The following OTOF variants were observed in gnomAD, a reference collection of about 807,000 sequenced individuals.
OTOF encodes fer-1-like family member 2.
A neutral mutation model predicts 236.8 loss-of-function variants in OTOF; 218 were observed. The ratio of observed to expected loss-of-function variants is 0.92; its 90% CI spans 0.82 to 1.03. The LOEUF (loss-of-function observed/expected upper bound fraction) is 1.03, where lower values mean the gene tolerates loss of function less well. Ranked by LOEUF, OTOF falls within the 50% of genes least tolerant of loss-of-function variation. OTOF has a pLI of 0.00. For missense variants in OTOF, 2,590 were observed against 2,694.4 expected (o/e 0.96, Z 0.86); for synonymous variants, 1,041 against 1,072.5 (o/e 0.97, Z 0.57).
intron 2 of OTOF, among the ~76,000 whole-genome samples, chr2:26,532,872 A>C (rs929860913): frequency 6.6e-6 from 1 of 152,154 alleles, no homozygotes; most frequent in Non-Finnish European, 1.5e-5. Flanking sequence ...TTGGCCGCTG[A>C]GTGGGCCTGG....
At chr2:26,483,961 AT>A (rs377035721) in intron 12 of OTOF, among the ~76,000 whole-genome samples, 31 of 152,314 alleles carry the variant, frequency 2.0e-4, no homozygotes, top group African/African-American at 7.5e-4. Context: ...TGATCTTAGT[AT>A]TATTGTCAGT....
At position 26,477,117 on chromosome 2, in the gene OTOF, G is replaced by A. The variant is rs568447728; in HGVS notation, c.2523+55C>T. The stretch of plus-strand genomic sequence containing the variant: ...CCTGATTGAGCCCCCTGATCCTGAG[G>A]GGCCCCAGAGAGCCAGCCCTGGATG... On this transcript the variant is annotated intron_variant, in intron 21 of 46. Coordinates refer to ENST00000272371, the MANE Select transcript of OTOF (RefSeq NM_194248.3). The surrounding 1 kb of genome is among the most constrained non-coding windows in gnomAD (Gnocchi z 4.7). The A allele has an allele frequency of 2.5e-6, 4 of 1,579,720 alleles. No individual in the cohort carries two copies. The South Asian group carries it at 3.4e-5, about 13-fold the overall frequency.
Position 26,458,029 on chromosome 2 carries a change from G to C in OTOF, c.*209C>G. The C allele has an allele frequency of 6.2e-7, 1 of 1,609,692 alleles. No individual in the cohort carries two copies. The highest frequency in any genetic ancestry group is 1.3e-5 in the African/African-American group (1 of 74,952). ...CAGGGCTGGGGAGCGGCTGGCGGGA[G>C]CTGGCGGCCTTCATGCCCCAAGGAG... is the stretch of plus-strand genomic sequence containing the variant. On this transcript the variant is annotated 3_prime_UTR_variant, in exon 47 of 47. Coordinates refer to ENST00000272371, the MANE Select transcript of OTOF (RefSeq NM_194248.3).
rs530407174 is a variant in OTOF, at chr2:26,475,249, C to T, written c.3126+110G>A. ...CCAGCCAGCACCTGGCCAAGGAGCT[C>T]TGCAGGTGGGTGGCGGAGGTGAGGG... On this transcript the variant is annotated intron_variant, in intron 25 of 46. Coordinates refer to ENST00000272371, the MANE Select transcript of OTOF (RefSeq NM_194248.3). 9.5e-6 allele frequency: 12 copies of T among 1,261,880 alleles called. No homozygotes were observed. The East Asian group carries it at 2.6e-4, about 27-fold the overall frequency. The allele number at this position is 1,261,880 out of a possible 1,614,324, so 78.2% of individuals were successfully genotyped here. A position where few individuals can be genotyped will look rare whatever the true frequency, so the allele number is the denominator to read the frequency against.
chr2:26,479,087 G>T (rs531774398), intron 18 of OTOF, among the ~76,000 whole-genome samples, 177 bp downstream of exon 18: 1 of 152,344 alleles, frequency 6.6e-6, no homozygotes, highest in African/African-American at 2.4e-5. Flanking sequence ...GACTAGAGGT[G>T]GCTCCTGTCC....
chr2:26,510,590 C>G (rs571720044), intron 5 of OTOF: 1 of 560,488 alleles, frequency 1.8e-6, no homozygotes, highest in East Asian at 7.0e-5. Context: ...TCTACCACGA[C>G]AGCCCACTCC....
intron 1 of OTOF, among the ~76,000 whole-genome samples, chr2:26,554,284 C>T (rs1667534319): frequency 6.6e-6 from 1 of 151,944 alleles, no homozygotes; most frequent in African/African-American, 2.4e-5. Context: ...GCCCTTGAGG[C>T]CTCTTCCAGT....
rs1410823084 is a variant in OTOF, at chr2:26,477,860, T to C, written c.2215-111A>G. 4.5e-6 allele frequency: 7 copies of C among 1,556,890 alleles called. No homozygotes were observed. The highest frequency in any genetic ancestry group is 6.1e-6 in the Non-Finnish European group (7 of 1,150,566). ...GTGAGGGACCTCATGATCTGGGAGCTCTCGCTAGGGCCATCCTGAGTATCG... is the reference window on the plus strand; with the variant it reads ...GTGAGGGACCTCATGATCTGGGAGCCCTCGCTAGGGCCATCCTGAGTATCG... On this transcript the variant is annotated intron_variant, in intron 18 of 46. Transcript: ENST00000272371. This position sits in a 1 kb window ranked among gnomAD's most constrained non-coding sequence, Gnocchi z 4.7.
intron 40 of OTOF, 22 bp from the exon 41 acceptor site, chr2:26,463,593 G>T: frequency 6.4e-7 from 1 of 1,562,104 alleles, no homozygotes; most frequent in Non-Finnish European, 8.7e-7. Flanking sequence ...GGTTGTGGCA[G>T]ATCTCCCAGG....
chr2:26,466,082 A>G lies in OTOF; in HGVS notation c.4501-6T>C, dbSNP rs1664714651. On this transcript the variant is annotated splice_polypyrimidine_tract_variant and splice_region_variant and intron_variant, in intron 36 of 46. Coordinates refer to ENST00000272371, the MANE Select transcript of OTOF (RefSeq NM_194248.3). ...GCAGGGTGCAGGTCCGTGGCCTGGA[A>G]TGGGGAGAAGGGCTGCCTGAGCAGG... The G allele has an allele frequency of 3.1e-6, 5 of 1,613,976 alleles. No individual in the cohort carries two copies. The highest frequency in any genetic ancestry group is 2.7e-5 in the African/African-American group (2 of 74,936).
chr2:26,529,313 C>T (rs1666884796), intron 2 of OTOF, among the ~76,000 whole-genome samples: 2 of 152,306 alleles, frequency 1.3e-5, no homozygotes, highest in Non-Finnish European at 2.9e-5. Flanking sequence ...CATTTTTATA[C>T]CCTACCAAAT....
intron 1 of OTOF, among the ~76,000 whole-genome samples, chr2:26,548,322 A>C (rs77439356): frequency 0.082 from 12,477 of 151,930 alleles, 617 homozygotes; most frequent in East Asian, 0.14. Flanking sequence ...ATTTTTATTT[A>C]TTGAAATATA....
Position 26,477,889 on chromosome 2 carries a change from A to T in OTOF, c.2215-140T>A, listed in dbSNP as rs200281469. Reference sequence around the variant, plus strand: ...GCTAGGGCCATCCTGAGTATCGGTCATCATGAGGAAGTCATCAATTTCCCA... The same window carrying T: ...GCTAGGGCCATCCTGAGTATCGGTCTTCATGAGGAAGTCATCAATTTCCCA... On this transcript the variant is annotated intron_variant, in intron 18 of 46. Coordinates refer to ENST00000272371, the MANE Select transcript of OTOF (RefSeq NM_194248.3). This position sits in a 1 kb window ranked among gnomAD's most constrained non-coding sequence, Gnocchi z 4.7. 185 of 1,542,396 alleles carry T rather than the reference A, an allele frequency of 1.2e-4. No individual in the cohort carries two copies. The highest frequency in any genetic ancestry group is 5.8e-5 in the Non-Finnish European group (66 of 1,141,836).
intron 3 of OTOF, among the ~76,000 whole-genome samples, chr2:26,525,089 T>C (rs544219037): frequency 1.3e-5 from 2 of 152,304 alleles, no homozygotes; most frequent in East Asian, 1.9e-4. Flanking sequence ...CTGCTTCACC[T>C]TGGGGGCCCC....
chr2:26,474,994 C>G (rs1407835117), intron 25 of OTOF, among the ~76,000 whole-genome samples: 1 of 152,042 alleles, frequency 6.6e-6, no homozygotes, highest in African/African-American at 2.4e-5. Flanking sequence ...TCCCTTACTC[C>G]CTGCTCCAGA....
At position 26,502,287 on chromosome 2, in the gene OTOF, C is replaced by A. The variant is rs866012956; in HGVS notation, c.710+13G>T. Reference sequence around the variant, plus strand: ...TGGGGGCAGCTGGGGTTGCAGGGCTCCCGTCCACTCACCGCTTGTTGGAGA... The same window carrying A: ...TGGGGGCAGCTGGGGTTGCAGGGCTACCGTCCACTCACCGCTTGTTGGAGA... On this transcript the variant is annotated intron_variant, in intron 7 of 46. Transcript: ENST00000272371. 3 of 1,613,810 alleles carry A rather than the reference C, an allele frequency of 1.9e-6. No homozygotes were observed. The South Asian group carries it at 3.3e-5, about 18-fold the overall frequency.
chr2:26,458,022 G>A lies in OTOF; in HGVS notation c.*216C>T, dbSNP rs1664268254. The A allele has an allele frequency of 6.2e-7, 1 of 1,607,936 alleles. No homozygotes were observed. Among genetic ancestry groups the A allele is most frequent in the African/African-American group, 1.3e-5 (1 of 74,784 alleles). ...AATGCGGCAGGGCTGGGGAGCGGCT[G>A]GCGGGAGCTGGCGGCCTTCATGCCC... On this transcript the variant is annotated 3_prime_UTR_variant, in exon 47 of 47. Coordinates refer to ENST00000272371, the MANE Select transcript of OTOF (RefSeq NM_194248.3).
At position 26,473,665 on chromosome 2, in the gene OTOF, G is replaced by T; in HGVS notation, c.3409-98C>A. ...ACCATCCAATAGGGAACCGGGCAGT[G>T]GGATGGGCAGTAGTTCACCCCAGAT... On this transcript the variant is annotated intron_variant, in intron 27 of 46. Coordinates refer to ENST00000272371, the MANE Select transcript of OTOF (RefSeq NM_194248.3). The surrounding 1 kb of genome is among the most constrained non-coding windows in gnomAD (Gnocchi z 7.2). The T allele has an allele frequency of 8.0e-7, 1 of 1,248,808 alleles. No homozygotes were observed. The highest frequency in any genetic ancestry group is 1.1e-6 in the Non-Finnish European group (1 of 900,036). The allele number at this position is 1,248,808 out of a possible 1,614,324, so 77.4% of individuals were successfully genotyped here.
intron 46 of OTOF, among the ~76,000 whole-genome samples, chr2:26,458,694 A>G (rs1388704879): frequency 1.3e-5 from 2 of 151,784 alleles, no homozygotes; most frequent in Non-Finnish European, 2.9e-5. Flanking sequence ...ATGAAGACCC[A>G]CTCCACCTTC....
Sources: allele counts gnomAD v4.1 joint callset (sites outside exome capture counted in the v4.1 genomes callset), GRCh38; gene constraint gnomAD v4.1.1; non-coding constraint Gnocchi (gnomAD v3.1); transcripts MANE v1.5; gene names NCBI Gene and HGNC (gene_info 2026-07-23, HGNC 2026-07-21).